The following IQGAP1 variants were observed in gnomAD, a reference collection of about 807,000 sequenced individuals.
The protein encoded by IQGAP1 is ras GTPase-activating-like protein IQGAP1.
IQGAP1 carries 66 observed loss-of-function variants against 215.6 expected under a neutral mutation model. The observed-to-expected ratio is 0.31, with a 90% CI of 0.25 to 0.38. The LOEUF (loss-of-function observed/expected upper bound fraction) is 0.38. Among genes scored for constraint, IQGAP1 ranks in the 10% least tolerant of loss-of-function variants. The probability of loss-of-function intolerance (pLI) is 1.00; values close to 1 mark genes in which losing one functional copy is unlikely to be tolerated. For missense variants in IQGAP1, 1,712 were observed against 1,997.1 expected (o/e 0.86, Z 2.72); for synonymous variants, 772 against 728.7 (o/e 1.06, Z -0.96).
At chr15:90,419,154 A>AG (rs1965097041) in intron 2 of IQGAP1, among the ~76,000 whole-genome samples, 1 of 152,082 alleles carries the variant, frequency 6.6e-6, no homozygotes, top group Non-Finnish European at 1.5e-5. Context: ...AAAAAAAAAA[A>AG]AAGCCAGAGT....
intron 3 of IQGAP1, among the ~76,000 whole-genome samples, chr15:90,429,250 C>T (rs962468438): frequency 1.3e-5 from 2 of 152,198 alleles, no homozygotes; most frequent in Non-Finnish European, 2.9e-5. Context: ...ACATACAAAG[C>T]AGCTGTTCTA....
chr15:90,463,690 ATC>A (rs1965792516), intron 15 of IQGAP1, among the ~76,000 whole-genome samples: 1 of 152,092 alleles, frequency 6.6e-6, no homozygotes, highest in African/African-American at 2.4e-5. Context: ...CATTCTATTT[ATC>A]TGTTTACTCT....
At chr15:90,433,935 C>A (rs140848354) in intron 5 of IQGAP1, 140 bp downstream of exon 5, 1 of 466,422 alleles carries the variant, frequency 2.1e-6, no homozygotes, top group East Asian at 3.3e-5. Context: ...TACTATTATC[C>A]GAACAAAATG....
At position 90,448,717 on chromosome 15, in the gene IQGAP1, A is replaced by G. The variant is rs1233618539; in HGVS notation, c.1058A>G (p.Asp353Gly). 1 of 1,599,498 alleles carries G rather than the reference A, an allele frequency of 6.3e-7. No individual in the cohort carries two copies. Among genetic ancestry groups the G allele is most frequent in the Non-Finnish European group, 8.5e-7 (1 of 1,173,996 alleles). ...SDWYLKQLLSDKQQKRQSGQT... is the reference protein window; with the variant it reads ...SDWYLKQLLSGKQQKRQSGQT... Reference sequence around the variant, plus strand: ...TGGTACTTGAAGCAGCTCCTGAGTGATAAACAGCAGAAGAGACAGGTAAAC... The same window carrying G: ...TGGTACTTGAAGCAGCTCCTGAGTGGTAAACAGCAGAAGAGACAGGTAAAC... Residue 353 changes from aspartate (D) to glycine (G), a missense_variant, in exon 10 of 38, where the codon GAT becomes GGT. Physicochemically the swap from Asp to Gly is moderately conservative, Grantham distance 94. Coordinates refer to ENST00000268182, the MANE Select transcript of IQGAP1 (RefSeq NM_003870.4).
rs1555437805 is a variant in IQGAP1 at position 90,444,289 on chromosome 15, A to ATAT, written c.913+812_913+813insATT. On this transcript the variant is annotated intron_variant, in intron 9 of 37. Transcript: ENST00000268182. ...TGTGTGTGTGTGTGTGTATATATAT[A>ATAT]TTTTTTTTTTTCTTTAAGAGACAGA... 8.1e-3 allele frequency among the ~76,000 whole-genome samples: 956 copies of ATAT among 117,460 alleles called. 18 individuals carry two copies. The highest frequency in any genetic ancestry group is 0.018 in the Middle Eastern group (4 of 226). The allele number at this position is 117,460 out of a possible 152,430, so 77.1% of individuals were successfully genotyped here.
chr15:90,458,331 A>G (rs1238885448), intron 15 of IQGAP1, among the ~76,000 whole-genome samples: 3 of 152,228 alleles, frequency 2.0e-5, no homozygotes, highest in Non-Finnish European at 2.9e-5. Flanking sequence ...AGTTGATGAC[A>G]TATGAATTAT....
intron 34 of IQGAP1, chr15:90,491,785 T>G: frequency 2.2e-6 from 1 of 455,154 alleles, no homozygotes; most frequent in South Asian, 3.5e-5. Context: ...CTTAAAGAAT[T>G]TGTCTTCAGC....
intron 9 of IQGAP1, among the ~76,000 whole-genome samples, chr15:90,447,155 T>C (rs1348091766): frequency 6.6e-6 from 1 of 152,200 alleles, no homozygotes; most frequent in African/African-American, 2.4e-5. Flanking sequence ...TAAATATCAT[T>C]GAAGGAATGG....
chr15:90,404,955 T>G (rs1964857124), intron 2 of IQGAP1, among the ~76,000 whole-genome samples: 1 of 152,218 alleles, frequency 6.6e-6, no homozygotes, highest in Non-Finnish European at 1.5e-5. Flanking sequence ...TATTTTACTT[T>G]TAGTTTTTGA....
chr15:90,418,623 C>G (rs191037502), intron 2 of IQGAP1, among the ~76,000 whole-genome samples: 6 of 152,080 alleles, frequency 3.9e-5, no homozygotes, highest in African/African-American at 1.4e-4. Context: ...TTAAAGATAG[C>G]CTTTTGTATA....
chr15:90,457,397 G>GTTTATTTTTTTGTTGTTT (rs1965699385), intron 15 of IQGAP1, among the ~76,000 whole-genome samples: 1 of 151,142 alleles, frequency 6.6e-6, no homozygotes, highest in African/African-American at 2.4e-5. Context: ...TTGTTGTTTT[G>GTTTATTTTTTTGTTGTTT]TTTGTTTTTT....
At chr15:90,412,568 C>T (rs978819117) in intron 2 of IQGAP1, among the ~76,000 whole-genome samples, 1 of 152,172 alleles carries the variant, frequency 6.6e-6, no homozygotes, top group African/African-American at 2.4e-5. Context: ...GGAAGTCATC[C>T]TGATTCCCCT....
In IQGAP1 at chr15:90,484,318, A is replaced by G; in HGVS notation, c.3887A>G (p.Tyr1296Cys). The G allele has an allele frequency of 6.2e-6, 10 of 1,612,502 alleles. No homozygotes were observed. The highest frequency in any genetic ancestry group is 1.7e-5 in the Admixed American group (1 of 59,986). The change falls in exon 30 of 38, where the codon TAC becomes TGC. Residue 1296 changes from tyrosine (Y) to cysteine (C), a missense_variant. This residue lies in a region of IQGAP1 where 691 missense variants were observed against 923.0 expected (regional missense o/e 0.75). Coordinates refer to ENST00000268182, the MANE Select transcript of IQGAP1 (RefSeq NM_003870.4). ...GTAACCCTCACCAAACCAGTAATCTACATTTCCATTGGTGAAATCATCAAC... is the reference window on the plus strand; with the variant it reads ...GTAACCCTCACCAAACCAGTAATCTGCATTTCCATTGGTGAAATCATCAAC... ...DLVTLTKPVI[Y>C]ISIGEIINTH...
At chr15:90,465,394 C>T (rs1965816455) in intron 15 of IQGAP1, among the ~76,000 whole-genome samples, 1 of 152,208 alleles carries the variant, frequency 6.6e-6, no homozygotes, top group South Asian at 2.1e-4. Context: ...GGACCCCTTC[C>T]CAGTCTGTCT....
At chr15:90,446,339 A>G (rs1420075667) in intron 9 of IQGAP1, among the ~76,000 whole-genome samples, 1 of 152,190 alleles carries the variant, frequency 6.6e-6, no homozygotes, top group East Asian at 1.9e-4. Flanking sequence ...TAGTCAGAGG[A>G]GCAAAATAAT....
intron 15 of IQGAP1, among the ~76,000 whole-genome samples, chr15:90,462,270 C>T (rs1010599237): frequency 3.3e-5 from 5 of 152,242 alleles, no homozygotes; most frequent in African/African-American, 1.2e-4. Flanking sequence ...CTGGTTCACA[C>T]CAGCACAGCT....
rs1186133640 is a variant in IQGAP1 at position 90,500,192 on chromosome 15, GCAAAGACCTAGCCAACAACAGCAC to G, written c.*86_*109del. 2.4e-5 allele frequency: 18 copies of G among 758,586 alleles called. No individual in the cohort carries two copies. The highest frequency in any genetic ancestry group is 3.7e-5 in the Non-Finnish European group (16 of 434,800). 47.0% of individuals were successfully genotyped at this position (758,586 alleles called of 1,614,324 possible). ...CTAGGTCCTTCTTTCCTCATTGGAAGCAAAGACCTAGCCAACAACAGCACCTCAATCTGATACACTCCCGATGCC... is the reference window on the plus strand; with the variant it reads ...CTAGGTCCTTCTTTCCTCATTGGAAGCTCAATCTGATACACTCCCGATGCC... On this transcript the variant is annotated 3_prime_UTR_variant, in exon 38 of 38. Coordinates refer to ENST00000268182, the MANE Select transcript of IQGAP1 (RefSeq NM_003870.4).
intron 2 of IQGAP1, among the ~76,000 whole-genome samples, chr15:90,406,355 C>T (rs990557443): frequency 3.3e-5 from 5 of 152,146 alleles, no homozygotes; most frequent in East Asian, 1.9e-4. Flanking sequence ...TTAGTAGAGA[C>T]GGGGTTTCAC....
At chr15:90,485,872 T>A (rs970155403) in intron 30 of IQGAP1, among the ~76,000 whole-genome samples, 158 bp from the exon 31 acceptor site, 3 of 152,186 alleles carry the variant, frequency 2.0e-5, no homozygotes, top group African/African-American at 7.2e-5. Flanking sequence ...ATATATCATA[T>A]TGTTTATTTG....
Sources: allele counts gnomAD v4.1 joint callset (sites outside exome capture counted in the v4.1 genomes callset), GRCh38; gene constraint gnomAD v4.1.1; regional missense constraint gnomAD v4.1.1; transcripts MANE v1.5; gene names NCBI Gene and HGNC (gene_info 2026-07-23, HGNC 2026-07-21).